The following LRCH1 variants were observed in gnomAD, a reference collection of about 807,000 sequenced individuals.
LRCH1 encodes leucine rich repeats and calponin homology domain containing 1, also known as leucine-rich repeat and calponin homology domain-containing protein 1.
LRCH1 carries 23 observed loss-of-function variants against 94.9 expected under a neutral mutation model. The observed-to-expected ratio is 0.24, with a 90% CI of 0.17 to 0.34. LRCH1 has a LOEUF of 0.34. Ranked by LOEUF, LRCH1 falls within the 10% of genes least tolerant of loss-of-function variation. LRCH1 has a pLI of 1.00. For missense variants in LRCH1, 790 were observed against 945.9 expected, an observed-to-expected ratio of 0.84 and a Z score of 2.16; for synonymous variants, 364 against 354.9, an observed-to-expected ratio of 1.03 and a Z score of -0.29.
At chr13:46,591,640 G>C (rs1393880470) in intron 1 of LRCH1, among the ~76,000 whole-genome samples, 1 of 152,180 alleles carries the variant, frequency 6.6e-6, no homozygotes, top group African/African-American at 2.4e-5. Flanking sequence ...AACCACATTA[G>C]ATTAGAGTTC....
intron 1 of LRCH1, among the ~76,000 whole-genome samples, chr13:46,591,030 ACT>A (rs1198490747): frequency 2.0e-5 from 3 of 149,510 alleles, no homozygotes; most frequent in African/African-American, 7.4e-5. Flanking sequence ...AAATATAGGG[ACT>A]CTCCTTCATT....
intron 1 of LRCH1, among the ~76,000 whole-genome samples, chr13:46,596,697 C>T (rs2050567438): frequency 6.6e-6 from 1 of 152,164 alleles, no homozygotes; most frequent in African/African-American, 2.4e-5. Flanking sequence ...CTTCTGGAGA[C>T]TGTGGGAAAT....
At chr13:46,729,030 AG>A (rs1258627427) in intron 18 of LRCH1, 46 bp downstream of exon 18, 3 of 1,567,100 alleles carry the variant, frequency 1.9e-6, no homozygotes, top group Non-Finnish European at 2.6e-6. Context: ...ACAGACCTTT[AG>A]GGGGCACTGT....
chr13:46,657,631 C>T (rs1488682445), intron 2 of LRCH1, among the ~76,000 whole-genome samples: 2 of 133,992 alleles, frequency 1.5e-5, no homozygotes, highest in Non-Finnish European at 3.1e-5. Context: ...GCTCAGGTGA[C>T]CCTTCCATTT....
At chr13:46,567,867 A>G (rs960924695) in intron 1 of LRCH1, among the ~76,000 whole-genome samples, 3 of 152,202 alleles carry the variant, frequency 2.0e-5, no homozygotes, top group Non-Finnish European at 4.4e-5. Context: ...GTTCTGAGAT[A>G]ATGCGTCCTG....
chr13:46,571,168 G>C (rs534517716), intron 1 of LRCH1, among the ~76,000 whole-genome samples: 9 of 152,300 alleles, frequency 5.9e-5, no homozygotes, highest in Admixed American at 5.2e-4. Flanking sequence ...TTAGACTTTT[G>C]GTGATCAAAA....
chr13:46,689,274 A>G, intron 7 of LRCH1, 78 bp downstream of exon 7: 1 of 1,040,316 alleles, frequency 9.6e-7, no homozygotes, highest in African/African-American at 1.6e-5. Context: ...CCTTTCTGTT[A>G]AAGGGCATCG....
chr13:46,586,937 G>A (rs2050441694), intron 1 of LRCH1, among the ~76,000 whole-genome samples: 1 of 152,212 alleles, frequency 6.6e-6, no homozygotes, highest in South Asian at 2.1e-4. Flanking sequence ...AGTTTTAGCA[G>A]CAGAGACAGT....
intron 2 of LRCH1, among the ~76,000 whole-genome samples, chr13:46,657,510 T>C (rs113882611): frequency 2.9e-4 from 10 of 34,274 alleles, no homozygotes; most frequent in African/African-American, 1.0e-3. Flanking sequence ...CTTTTTTTTT[T>C]TTTTTTTTTT....
chr13:46,593,153 G>C (rs1029613343), intron 1 of LRCH1, among the ~76,000 whole-genome samples: 1 of 151,610 alleles, frequency 6.6e-6, no homozygotes, highest in Non-Finnish European at 1.5e-5. Flanking sequence ...TCATCAAAAA[G>C]TATTAAGTGA....
intron 1 of LRCH1, among the ~76,000 whole-genome samples, chr13:46,630,867 G>GT (rs2051009745): frequency 1.3e-5 from 2 of 152,336 alleles, no homozygotes; most frequent in Admixed American, 1.3e-4. Context: ...TCTTTGCTGT[G>GT]TAAGTGCAGG....
At chr13:46,573,866 A>ATATATATATATTTTT in intron 1 of LRCH1, among the ~76,000 whole-genome samples, 4 of 63,390 alleles carry the variant, frequency 6.3e-5, no homozygotes, top group African/African-American at 2.1e-4. Context: ...ATATATATAT[A>ATATATATATATTTTT]TTTTTTTTTT....
chr13:46,663,405 G>A (rs1203678671), intron 2 of LRCH1, among the ~76,000 whole-genome samples: 1 of 152,062 alleles, frequency 6.6e-6, no homozygotes, highest in Non-Finnish European at 1.5e-5. Context: ...GGGAAGGGCA[G>A]GCAATGAAGG....
intron 19 of LRCH1, among the ~76,000 whole-genome samples, chr13:46,734,330 T>C (rs1232592559): frequency 2.0e-5 from 3 of 152,202 alleles, no homozygotes; most frequent in African/African-American, 4.8e-5. Flanking sequence ...TCTCTTAGGC[T>C]TCATAGAGTA....
intron 11 of LRCH1, among the ~76,000 whole-genome samples, chr13:46,703,649 A>G (rs1871602988): frequency 1.3e-5 from 2 of 152,186 alleles, no homozygotes; most frequent in African/African-American, 2.4e-5. Flanking sequence ...GGGATACTTT[A>G]AGTATATTAT....
intron 17 of LRCH1, 118 bp from the exon 18 acceptor site, chr13:46,728,729 T>C: frequency 2.1e-6 from 2 of 954,028 alleles, no homozygotes; most frequent in South Asian, 4.9e-5. Context: ...CTAGGCATTG[T>C]TATCCTTATT....
At chr13:46,750,490 A>G (rs1164682715) in intron 18 of LRCH1, 13 of 1,277,914 alleles carry the variant, frequency 1.0e-5, no homozygotes, top group East Asian at 1.0e-4. Context: ...GGATTTTACA[A>G]TGAGAGTACA....
intron 1 of LRCH1, among the ~76,000 whole-genome samples, chr13:46,554,769 T>A (rs1594239473): frequency 6.6e-6 from 1 of 151,278 alleles, no homozygotes; most frequent in African/African-American, 2.4e-5. Flanking sequence ...TGGGGGAGGG[T>A]TTGTGTCATA....
At chr13:46,599,945 G>A (rs994702644) in intron 1 of LRCH1, among the ~76,000 whole-genome samples, 2 of 152,190 alleles carry the variant, frequency 1.3e-5, no homozygotes, top group African/African-American at 4.8e-5. Context: ...AAAACTAAAG[G>A]TATTTGGCCA....
Sources: gnomAD v4.1 joint callset for allele counts (sites outside exome capture counted in the v4.1 genomes callset) on GRCh38, gnomAD v4.1.1 for gene constraint, MANE v1.5 for transcripts, NCBI Gene and HGNC (gene_info 2026-07-23, HGNC 2026-07-21) for gene names.